NT5C2: variants seen among roughly 807,000 people sequenced by gnomAD.
NT5C2 encodes 5'-nucleotidase, cytosolic II, also known as cytosolic purine 5'-nucleotidase.
A neutral mutation model predicts 76.1 loss-of-function variants in NT5C2; 58 were observed. The ratio of observed to expected loss-of-function variants is 0.76; its 90% CI spans 0.62 to 0.95. The LOEUF (loss-of-function observed/expected upper bound fraction) is 0.95, where lower values mean the gene tolerates loss of function less well. NT5C2 is among the 40% of genes least tolerant of loss of function. NT5C2 has a pLI of 0.00. For missense variants in NT5C2, 478 were observed against 690.3 expected, an observed-to-expected ratio of 0.69 and a Z score of 3.45; for synonymous variants, 229 against 237.4, an observed-to-expected ratio of 0.96 and a Z score of 0.32.
intron 3 of NT5C2, among the ~76,000 whole-genome samples, chr10:103,159,949 G>A (rs1189866019): frequency 1.3e-5 from 2 of 152,056 alleles, no homozygotes; most frequent in East Asian, 1.9e-4. Context: ...CACCAGAATA[G>A]CCAAAACAAT....
intron 4 of NT5C2, among the ~76,000 whole-genome samples, chr10:103,133,824 T>C (rs2078691693): frequency 6.6e-6 from 1 of 152,140 alleles, no homozygotes; most frequent in Non-Finnish European, 1.5e-5. Context: ...GATAGTGACA[T>C]GGGCAACAAA....
chr10:103,129,983 G>A (rs1485878375), intron 4 of NT5C2, among the ~76,000 whole-genome samples: 9 of 149,658 alleles, frequency 6.0e-5, no homozygotes, highest in Admixed American at 1.3e-4. Flanking sequence ...GGTGAGGGGC[G>A]CCTCTGCCCG....
rs1014264570 is a variant in NT5C2, at chr10:103,184,907, T to C, written c.-168-3579A>G. Among the ~76,000 whole-genome samples the C allele has an allele frequency of 2.0e-5, 3 of 152,216 alleles. No homozygotes were observed. The South Asian group carries it at 6.2e-4, about 32-fold the overall frequency. On this transcript the variant is annotated intron_variant, in intron 1 of 18. Coordinates refer to ENST00000404739, the MANE Select transcript of NT5C2 (RefSeq NM_001351169.2). ...CTGTTGCCTTGACAATTTGTTTTTC[T>C]TCTTCAAGCAGCTACATGCTCCTAT...
Position 103,099,990 on chromosome 10 carries a change from A to T in NT5C2, c.569T>A (p.Leu190His), listed in dbSNP as rs1166034561. 1.2e-6 allele frequency: 2 copies of T among 1,612,312 alleles called. No individual in the cohort carries two copies. The highest frequency in any genetic ancestry group is 1.7e-6 in the Non-Finnish European group (2 of 1,178,654). ...SCETGFKDGD[L>H]FMSYRSMFQD... is the part of the protein sequence containing the mutation. The stretch of plus-strand genomic sequence containing the variant: ...GAACATACTCCGGTAGGACATGAAG[A>T]GGTCCCCATCTTTAAATCCTGTTTC... The change falls in exon 9 of 19, where the codon CTC becomes CAC. Residue 190 changes from leucine to histidine, a missense_variant. Transcript: ENST00000404739.
At chr10:103,123,367 G>A (rs2076065224) in intron 4 of NT5C2, among the ~76,000 whole-genome samples, 1 of 152,046 alleles carries the variant, frequency 6.6e-6, no homozygotes, top group Non-Finnish European at 1.5e-5. Flanking sequence ...GTGCTATGGT[G>A]GTTTGCTGTA....
chr10:103,178,833 C>CAA (rs551425186), intron 2 of NT5C2, among the ~76,000 whole-genome samples: 39 of 96,830 alleles, frequency 4.0e-4, no homozygotes, highest in East Asian at 1.1e-3. Flanking sequence ...AAGACTGTCT[C>CAA]AAAAAAAAAA....
At position 103,098,998 on chromosome 10, in the gene NT5C2, A is replaced by G. The variant is rs200522283; in HGVS notation, c.634-14T>C. ...CTTAAGGGAGCCCTGGAGGAAGACAAAAAAAAGAATTAAGAAAAGAACAAA... is the reference window on the plus strand; with the variant it reads ...CTTAAGGGAGCCCTGGAGGAAGACAGAAAAAAGAATTAAGAAAAGAACAAA... On this transcript the variant is annotated splice_polypyrimidine_tract_variant and intron_variant, in intron 9 of 18. Transcript: ENST00000404739. The G allele has an allele frequency of 1.0e-5, 16 of 1,590,858 alleles. No individual in the cohort carries two copies. The highest frequency in any genetic ancestry group is 9.5e-6 in the Non-Finnish European group (11 of 1,163,862).
chr10:103,091,272 TCAAG>T (rs2066779778), intron 16 of NT5C2, among the ~76,000 whole-genome samples: 1 of 152,094 alleles, frequency 6.6e-6, no homozygotes, highest in Non-Finnish European at 1.5e-5. Flanking sequence ...ACTTCTGGCC[TCAAG>T]CAACCCGCCT....
intron 4 of NT5C2, among the ~76,000 whole-genome samples, chr10:103,129,787 G>A (rs1358762852): frequency 1.3e-4 from 14 of 108,542 alleles, no homozygotes; most frequent in South Asian, 3.3e-4. Context: ...CAGCCGCCCC[G>A]TCCGGGAGGT....
intron 11 of NT5C2, among the ~76,000 whole-genome samples, chr10:103,097,087 A>C (rs2068394247): frequency 1.3e-5 from 2 of 152,282 alleles, no homozygotes; most frequent in Admixed American, 1.3e-4. Flanking sequence ...AGCCAATTAT[A>C]ATCAGTGAAA....
At chr10:103,101,637 T>C (rs2069696249) in intron 6 of NT5C2, among the ~76,000 whole-genome samples, 1 of 151,948 alleles carries the variant, frequency 6.6e-6, no homozygotes, top group African/African-American at 2.4e-5. Context: ...AGGTGTGATG[T>C]CCAGCTTAGG....
intron 3 of NT5C2, among the ~76,000 whole-genome samples, chr10:103,154,789 A>G (rs1275941092): frequency 6.6e-6 from 1 of 152,212 alleles, no homozygotes; most frequent in Non-Finnish European, 1.5e-5. Context: ...AATATGAAGG[A>G]TTTCCATTGA....
intron 4 of NT5C2, among the ~76,000 whole-genome samples, chr10:103,135,969 C>T (rs535091811): frequency 7.2e-5 from 11 of 152,074 alleles, no homozygotes; most frequent in African/African-American, 2.4e-4. Context: ...CACCTGTAAT[C>T]CCAGCTACTC....
chr10:103,157,537 G>C (rs1020315300), intron 3 of NT5C2, among the ~76,000 whole-genome samples: 4 of 152,160 alleles, frequency 2.6e-5, no homozygotes, highest in African/African-American at 9.7e-5. Context: ...GTGAACTCAT[G>C]ATTTCTACAA....
intron 4 of NT5C2, among the ~76,000 whole-genome samples, chr10:103,119,310 G>A (rs775393412): frequency 1.8e-4 from 27 of 152,034 alleles, no homozygotes; most frequent in Non-Finnish European, 3.5e-4. Flanking sequence ...CAGAGGTTGC[G>A]GTGAGCTGAG....
intron 1 of NT5C2, among the ~76,000 whole-genome samples, chr10:103,191,190 G>A (rs1427218882): frequency 6.6e-6 from 1 of 152,118 alleles, no homozygotes; most frequent in African/African-American, 2.4e-5. Flanking sequence ...TCAGGAGTTC[G>A]AGACCAGCCT....
intron 4 of NT5C2, among the ~76,000 whole-genome samples, chr10:103,135,362 A>C (rs1048368936): frequency 5.3e-5 from 8 of 152,208 alleles, no homozygotes; most frequent in African/African-American, 1.9e-4. Context: ...TGATGGTTTT[A>C]AAAAGGGGAA....
At chr10:103,103,342 C>T (rs1435142314) in intron 6 of NT5C2, among the ~76,000 whole-genome samples, 10 of 152,082 alleles carry the variant, frequency 6.6e-5, no homozygotes, top group Non-Finnish European at 1.5e-4. Context: ...TCTAGCTTTC[C>T]AAGATTTTCT....
chr10:103,191,316 A>C (rs2092620367), intron 1 of NT5C2, among the ~76,000 whole-genome samples: 1 of 148,760 alleles, frequency 6.7e-6, no homozygotes, highest in Non-Finnish European at 1.5e-5. Context: ...CGGGAGGTGG[A>C]GGTTGCAATG....
Sources: allele counts gnomAD v4.1 joint callset (sites outside exome capture counted in the v4.1 genomes callset), GRCh38; gene constraint gnomAD v4.1.1; transcripts MANE v1.5; gene names NCBI Gene and HGNC (gene_info 2026-07-23, HGNC 2026-07-21).